FAF1: variants seen among roughly 807,000 people sequenced by gnomAD.
FAF1 encodes Fas associated factor 1.
FAF1 carries 25 observed loss-of-function variants against 92.5 expected under a neutral mutation model. The observed-to-expected ratio is 0.27, with a 90% CI of 0.20 to 0.38. The LOEUF is 0.38. FAF1 is among the 10% of genes least tolerant of loss of function. FAF1 has a pLI of 1.00. For synonymous variants in FAF1, 234 were observed against 273.2 expected, an observed-to-expected ratio of 0.86 and a Z score of 1.42; for missense variants, 636 against 793.3, an observed-to-expected ratio of 0.80 and a Z score of 2.38.
rs1466280468 is a variant in FAF1 at position 50,819,682 on chromosome 1, TATATATATAC to T, written c.115-18015_115-18006del. Among the ~76,000 whole-genome samples, 68 of 100,222 alleles carry T rather than the reference TATATATATAC, an allele frequency of 6.8e-4. 1 individual carries two copies. Among genetic ancestry groups the T allele is most frequent in the South Asian group, 3.0e-3 (10 of 3,282 alleles). 65.7% of individuals were successfully genotyped at this position (100,222 alleles called of 152,430 possible). A position where few individuals can be genotyped will look rare whatever the true frequency, so the allele number is the denominator to read the frequency against. ...CACACACACACACTCTCTCTCTGTATATATATATACATATATATATACATATATATATACG... is the reference window on the plus strand; with the variant it reads ...CACACACACACACTCTCTCTCTGTATATATATATATACATATATATATACG... On this transcript the variant is annotated intron_variant, in intron 2 of 18. Transcript: ENST00000396153.
chr1:50,709,402 T>G (rs1474463486), intron 6 of FAF1, among the ~76,000 whole-genome samples: 2 of 152,326 alleles, frequency 1.3e-5, no homozygotes, highest in East Asian at 3.9e-4. Context: ...AGTATATCCC[T>G]TGGAAAGTAG....
chr1:50,905,634 G>A (rs1644831365), intron 1 of FAF1, among the ~76,000 whole-genome samples: 1 of 152,204 alleles, frequency 6.6e-6, no homozygotes, highest in African/African-American at 2.4e-5. Flanking sequence ...GATGGCCAGT[G>A]ATGATGAGCA....
chr1:50,526,274 T>A (rs1267981232), intron 15 of FAF1, among the ~76,000 whole-genome samples: 1 of 151,806 alleles, frequency 6.6e-6, no homozygotes, highest in Non-Finnish European at 1.5e-5. Flanking sequence ...TGAGCCACCG[T>A]GCCTGGCCAA....
At chr1:50,659,226 G>T (rs1384607643) in intron 7 of FAF1, among the ~76,000 whole-genome samples, 1 of 150,332 alleles carries the variant, frequency 6.7e-6, no homozygotes, top group Non-Finnish European at 1.5e-5. Flanking sequence ...GGAAGATGAA[G>T]AAATATGAGG....
chr1:50,914,958 T>C (rs1644909563), intron 1 of FAF1, among the ~76,000 whole-genome samples: 1 of 152,198 alleles, frequency 6.6e-6, no homozygotes, highest in South Asian at 2.1e-4. Flanking sequence ...CTTCCTAAAT[T>C]ATGAACTCCC....
chr1:50,709,126 T>C (rs1231101375), intron 6 of FAF1, among the ~76,000 whole-genome samples: 2 of 152,334 alleles, frequency 1.3e-5, no homozygotes, highest in African/African-American at 4.8e-5. Context: ...TCTCTAGAGC[T>C]TGTCTGACAT....
intron 1 of FAF1, among the ~76,000 whole-genome samples, chr1:50,949,355 T>G (rs1645196292): frequency 6.6e-6 from 1 of 152,240 alleles, no homozygotes; most frequent in Non-Finnish European, 1.5e-5. Context: ...AGAAAATTCT[T>G]TACTATCGGG....
chr1:50,792,299 T>C (rs1362745223), intron 3 of FAF1, among the ~76,000 whole-genome samples: 3 of 152,186 alleles, frequency 2.0e-5, no homozygotes, highest in African/African-American at 7.2e-5. Context: ...TGCCAAGAAT[T>C]GGGTCCAAAA....
At chr1:50,782,274 T>C (rs1661205950) in intron 4 of FAF1, among the ~76,000 whole-genome samples, 1 of 152,178 alleles carries the variant, frequency 6.6e-6, no homozygotes, top group South Asian at 2.1e-4. Flanking sequence ...GACACCTCTA[T>C]GTCTGTTACT....
At chr1:50,510,099 G>T (rs534775230) in intron 15 of FAF1, among the ~76,000 whole-genome samples, 2 of 151,424 alleles carry the variant, frequency 1.3e-5, no homozygotes, top group Non-Finnish European at 2.9e-5. Context: ...CTGGGAGGCG[G>T]GGGTTGCAGT....
At chr1:50,461,821 G>A (rs867605056) in intron 18 of FAF1, among the ~76,000 whole-genome samples, 44 of 149,930 alleles carry the variant, frequency 2.9e-4, no homozygotes, top group Non-Finnish European at 5.8e-4. Context: ...TTGAAAACTG[G>A]TAGTTTCCAA....
chr1:50,632,465 C>T (rs1653833503), intron 8 of FAF1, among the ~76,000 whole-genome samples: 1 of 152,164 alleles, frequency 6.6e-6, no homozygotes, highest in African/African-American at 2.4e-5. Context: ...ATCAGGAACA[C>T]ATCTATTAGA....
intron 2 of FAF1, among the ~76,000 whole-genome samples, chr1:50,838,163 G>C (rs548277855): frequency 5.3e-5 from 8 of 152,220 alleles, no homozygotes; most frequent in African/African-American, 1.9e-4. Context: ...TATCACAACA[G>C]GATGGTTTTA....
chr1:50,927,132 T>C (rs986320709), intron 1 of FAF1, among the ~76,000 whole-genome samples: 3 of 152,162 alleles, frequency 2.0e-5, no homozygotes, highest in Non-Finnish European at 2.9e-5. Flanking sequence ...GTTTAATCAA[T>C]AGAGTTTGGG....
chr1:50,874,694 A>G (rs1475442370), intron 1 of FAF1, among the ~76,000 whole-genome samples: 1 of 151,866 alleles, frequency 6.6e-6, no homozygotes, highest in African/African-American at 2.4e-5. Context: ...CTTTCTAAAA[A>G]AGTCAGAAAT....
chr1:50,811,640 CA>C (rs1257008298), intron 2 of FAF1, among the ~76,000 whole-genome samples: 19 of 152,270 alleles, frequency 1.2e-4, no homozygotes, highest in African/African-American at 4.3e-4. Context: ...CTGCCTAAAG[CA>C]ATTTACAGAT....
intron 2 of FAF1, among the ~76,000 whole-genome samples, chr1:50,807,879 A>G (rs1396478248): frequency 6.6e-6 from 1 of 152,198 alleles, no homozygotes; most frequent in Non-Finnish European, 1.5e-5. Flanking sequence ...CTTGCTAAAC[A>G]TGCCAACATT....
intron 2 of FAF1, among the ~76,000 whole-genome samples, chr1:50,833,168 T>C (rs1644170017): frequency 6.6e-6 from 1 of 152,082 alleles, no homozygotes; most frequent in South Asian, 2.1e-4. Context: ...GTCCACAAGA[T>C]TGCCCTCACT....
chr1:50,571,457 G>A (rs17387385), intron 12 of FAF1, among the ~76,000 whole-genome samples: 1 of 152,152 alleles, frequency 6.6e-6, no homozygotes, highest in South Asian at 2.1e-4. Flanking sequence ...TATTTACAAG[G>A]CCTGGCCCAT....
Sources: allele counts gnomAD v4.1 joint callset (sites outside exome capture counted in the v4.1 genomes callset), GRCh38; gene constraint gnomAD v4.1.1; transcripts MANE v1.5; gene names NCBI Gene and HGNC (gene_info 2026-07-23, HGNC 2026-07-21).